Variants in R3HDM1 observed in about 807,000 individuals in gnomAD.
The protein encoded by R3HDM1 is R3H domain containing 1.
R3HDM1 carries 46 observed loss-of-function variants against 141.1 expected under a neutral mutation model. The observed-to-expected ratio is 0.33, with a 90% confidence interval of 0.26 to 0.42. The LOEUF (loss-of-function observed/expected upper bound fraction) is 0.42, where lower values mean the gene tolerates loss of function less well. Among genes scored for constraint, R3HDM1 ranks in the 10% least tolerant of loss-of-function variants. The probability of loss-of-function intolerance (pLI) is 1.00; values close to 1 mark genes in which losing one functional copy is unlikely to be tolerated. For synonymous variants in R3HDM1, 435 were observed against 472.9 expected (o/e 0.92, Z 1.04); for missense variants, 1,184 against 1,368.3 (o/e 0.87, Z 2.12).
chr2:135,641,157 G>C (rs190085631), intron 14 of R3HDM1, among the ~76,000 whole-genome samples: 5 of 152,296 alleles, frequency 3.3e-5, no homozygotes, highest in Non-Finnish European at 7.3e-5. Context: ...GCATTTTGCT[G>C]TACTAAATTC....
chr2:135,669,230 CTG>C (rs2067966381), intron 19 of R3HDM1: 1 of 985,306 alleles, frequency 1.0e-6, no homozygotes, highest in Non-Finnish European at 1.2e-6. Context: ...AAGGGAAGGA[CTG>C]TTCCTCCCAC....
chr2:135,598,724 A>C (rs2059390330), intron 1 of R3HDM1, among the ~76,000 whole-genome samples: 1 of 152,212 alleles, frequency 6.6e-6, no homozygotes, highest in African/African-American at 2.4e-5. Flanking sequence ...TTCATTATGA[A>C]AAATATTACC....
chr2:135,708,338 A>G (rs942977657), intron 21 of R3HDM1, among the ~76,000 whole-genome samples: 10 of 152,128 alleles, frequency 6.6e-5, no homozygotes, highest in African/African-American at 2.2e-4. Context: ...AGTTTCCCAT[A>G]TTCTGGATTT....
chr2:135,709,583 T>C, intron 22 of R3HDM1, 47 bp downstream of exon 22: 1 of 1,598,180 alleles, frequency 6.3e-7, no homozygotes. Context: ...ATATGAGAAA[T>C]AGTTCGATTA....
chr2:135,589,130 A>G (rs1708633919), intron 1 of R3HDM1, among the ~76,000 whole-genome samples: 1 of 152,200 alleles, frequency 6.6e-6, no homozygotes, highest in Non-Finnish European at 1.5e-5. Flanking sequence ...AGCAGATTAA[A>G]ATACCATTTG....
intron 1 of R3HDM1, chr2:135,581,333 C>G (rs1294179886): frequency 5.5e-5 from 54 of 985,202 alleles, no homozygotes; most frequent in Non-Finnish European, 6.5e-5. Flanking sequence ...ACTCATAATT[C>G]CAATTCCATT....
chr2:135,591,233 T>G (rs1247955924), intron 1 of R3HDM1, among the ~76,000 whole-genome samples: 1 of 152,210 alleles, frequency 6.6e-6, no homozygotes, highest in African/African-American at 2.4e-5. Context: ...ATAAGCTTTG[T>G]ACCTTTAAGA....
chr2:135,554,250 T>C (rs1700321282), intron 1 of R3HDM1, among the ~76,000 whole-genome samples: 1 of 152,244 alleles, frequency 6.6e-6, no homozygotes, highest in South Asian at 2.1e-4. Flanking sequence ...GGACATTTCA[T>C]ATATGTGTAA....
intron 19 of R3HDM1, among the ~76,000 whole-genome samples, chr2:135,671,094 A>G (rs961085040): frequency 3.3e-5 from 5 of 150,910 alleles, no homozygotes; most frequent in African/African-American, 1.2e-4. Flanking sequence ...AAAAGTAAAA[A>G]TATTCAAATA....
At chr2:135,661,182 A>G in intron 18 of R3HDM1, 88 bp from the exon 19 acceptor site, 1 of 1,475,838 alleles carries the variant, frequency 6.8e-7, no homozygotes, top group South Asian at 1.3e-5. Flanking sequence ...AAAAAGAATT[A>G]TTACTCATTA....
intron 21 of R3HDM1, among the ~76,000 whole-genome samples, chr2:135,688,237 A>G (rs935707930): frequency 2.0e-5 from 3 of 152,222 alleles, no homozygotes; most frequent in African/African-American, 7.2e-5. Flanking sequence ...GTTACTAAGC[A>G]CAAGAAAGCT....
At chr2:135,556,776 C>T (rs1700854755) in intron 1 of R3HDM1, among the ~76,000 whole-genome samples, 1 of 152,016 alleles carries the variant, frequency 6.6e-6, no homozygotes, top group Non-Finnish European at 1.5e-5. Flanking sequence ...CCTCGGCCTC[C>T]CAAAGTGCTG....
chr2:135,620,965 A>G (rs908320103), intron 5 of R3HDM1, among the ~76,000 whole-genome samples: 1 of 152,064 alleles, frequency 6.6e-6, no homozygotes, highest in Non-Finnish European at 1.5e-5. Context: ...ATAAATCTCA[A>G]AAAGGAAATA....
intron 1 of R3HDM1, among the ~76,000 whole-genome samples, chr2:135,572,377 T>C (rs907782201): frequency 1.3e-5 from 2 of 152,212 alleles, no homozygotes; most frequent in African/African-American, 2.4e-5. Context: ...TGAATAGATA[T>C]TTTTCCAGAG....
rs911009655 is a variant in R3HDM1 at position 135,630,281 on chromosome 2, C to CAAAAAAAAAA, written c.498-1419_498-1410dup. On this transcript the variant is annotated intron_variant, in intron 7 of 26. Transcript: ENST00000683871. ...AACAAGAGCGAAACTCCTTCTCAAC[C>CAAAAAAAAAA]AAAAAAAAAAAAAAAAAAAAAAAAA... 8.2e-3 allele frequency among the ~76,000 whole-genome samples: 324 copies of CAAAAAAAAAA among 39,358 alleles called. 12 individuals are homozygous for CAAAAAAAAAA. The highest frequency in any genetic ancestry group is 0.011 in the Admixed American group (30 of 2,780). The allele number at this position is 39,358 out of a possible 152,430, so 25.8% of individuals were successfully genotyped here.
intron 1 of R3HDM1, among the ~76,000 whole-genome samples, chr2:135,555,016 A>T (rs114999837): frequency 0.01 from 1,576 of 152,154 alleles, 25 homozygotes; most frequent in African/African-American, 0.036. Flanking sequence ...TTAAAAGTAA[A>T]ATAAGTCGGG....
intron 18 of R3HDM1, among the ~76,000 whole-genome samples, chr2:135,652,284 T>TA (rs1286287456): frequency 7.9e-5 from 12 of 152,074 alleles, no homozygotes; most frequent in Non-Finnish European, 1.8e-4. Flanking sequence ...TATGGGTTTC[T>TA]AAAAAACTAA....
At chr2:135,629,017 C>T (rs1383624880) in intron 7 of R3HDM1, among the ~76,000 whole-genome samples, 1 of 152,012 alleles carries the variant, frequency 6.6e-6, no homozygotes, top group Non-Finnish European at 1.5e-5. Context: ...CTCACAATAA[C>T]CCCAAAAGCT....
In R3HDM1 at chr2:135,641,665, A is replaced by G. The variant is rs1164596004; in HGVS notation, c.1349A>G (p.His450Arg). 16 of 1,614,120 alleles carry G rather than the reference A, an allele frequency of 9.9e-6. No individual in the cohort carries two copies. The highest frequency in any genetic ancestry group is 1.3e-5 in the Non-Finnish European group (15 of 1,180,016). ...GTCGTCTATCCAACTGTCAGCACTC[A>G]TAGTTCTCTTTCCTTTGATGGTGGC... ...APVVYPTVST[H>R]SSLSFDGGLN... The change falls in exon 15 of 27, where the codon CAT (histidine) becomes CGT (arginine). Residue 450 changes from histidine (H) to arginine (R), a missense_variant. By Grantham distance (29) the His-to-Arg change is conservative. Coordinates refer to ENST00000683871, the MANE Select transcript of R3HDM1 (RefSeq NM_001378107.1).
Sources: allele counts gnomAD v4.1 joint callset (sites outside exome capture counted in the v4.1 genomes callset), GRCh38; gene constraint gnomAD v4.1.1; transcripts MANE v1.5; gene names NCBI Gene and HGNC (gene_info 2026-07-23, HGNC 2026-07-21).